RNASET2: variants seen among roughly 807,000 people sequenced by gnomAD.
RNASET2 encodes the protein ribonuclease T2.
In RNASET2, 28 loss-of-function variants were observed where a neutral mutation model predicts 33.9. The observed-to-expected ratio is 0.83, with a 90% CI of 0.61 to 1.13. The LOEUF (loss-of-function observed/expected upper bound fraction) is 1.13, where lower values mean the gene tolerates loss of function less well. RNASET2 is among the 50% of genes most tolerant of loss of function. The probability of loss-of-function intolerance (pLI) is 0.00; values close to 1 mark genes in which losing one functional copy is unlikely to be tolerated. For synonymous variants in RNASET2, 123 were observed against 121.0 expected (o/e 1.02, Z -0.11); for missense variants, 330 against 319.9 (o/e 1.03, Z -0.24).
Position 166,929,691 on chromosome 6 carries a change from T to G in RNASET2, c.668A>C (p.Lys223Thr), listed in dbSNP as rs149106779. The change falls in exon 9 of 9, where the codon AAG becomes ACG. Residue 223 changes from lysine to threonine, a missense_variant. By Grantham distance (78) the Lys-to-Thr change is moderately conservative (BLOSUM62 -1). Coordinates refer to ENST00000508775, the MANE Select transcript of RNASET2 (RefSeq NM_003730.6). ...CTEPGEQPSP[K>T]QEVWLANGAA... Reference sequence around the variant, plus strand: ...CCCATTTGCCAGCCAGACTTCCTGCTTGGGGGACGGCTGCTCCCCCGGCTC... The same window carrying G: ...CCCATTTGCCAGCCAGACTTCCTGCGTGGGGGACGGCTGCTCCCCCGGCTC... 5 of 1,614,070 alleles carry G rather than the reference T, an allele frequency of 3.1e-6. No individual in the cohort carries two copies. Among genetic ancestry groups the G allele is most frequent in the Admixed American group, 3.3e-5 (2 of 60,000 alleles).
At chr6:166,941,054 G>C (rs1223150371) in intron 5 of RNASET2, among the ~76,000 whole-genome samples, 1 of 152,232 alleles carries the variant, frequency 6.6e-6, no homozygotes, top group African/African-American at 2.4e-5. Flanking sequence ...ATAGGCACAG[G>C]ACTGGGTGAC....
At chr6:166,953,879 C>CAAAAAAAAAA (rs548523987) in intron 1 of RNASET2, among the ~76,000 whole-genome samples, 9 of 110,738 alleles carry the variant, frequency 8.1e-5, no homozygotes, top group East Asian at 5.6e-4. Context: ...GACCCTGTCT[C>CAAAAAAAAAA]AAAAAAAAAA....
At chr6:166,955,804 G>T (rs1359797688) in intron 1 of RNASET2, 1 of 975,944 alleles carries the variant, frequency 1.0e-6, no homozygotes, top group Non-Finnish European at 1.2e-6. Flanking sequence ...CTTCCCAGAG[G>T]TCACCCCGGG....
chr6:166,949,542 G>A (rs924042288), intron 2 of RNASET2, among the ~76,000 whole-genome samples: 1 of 151,504 alleles, frequency 6.6e-6, no homozygotes, highest in Non-Finnish European at 1.5e-5. Flanking sequence ...AATGATCAAG[G>A]GCATAATCTG....
Position 166,953,188 on chromosome 6 carries a change from C to A in RNASET2, c.87-640G>T, listed in dbSNP as rs116671585. ...ACGACATGGTATGCACACAGCACTG[C>A]ATCACACGTGTTACCCAGAACCTGG... On this transcript the variant is annotated intron_variant, in intron 1 of 8. Coordinates refer to ENST00000508775, the MANE Select transcript of RNASET2 (RefSeq NM_003730.6). The A allele has an allele frequency of 1.0e-2, 1,564 of 156,524 alleles. 28 individuals carry two copies. The highest frequency in any genetic ancestry group is 0.036 in the African/African-American group (1,500 of 41,586). 9.7% of individuals were successfully genotyped at this position (156,524 alleles called of 1,614,324 possible).
At chr6:166,941,842 T>C (rs1293536896) in intron 5 of RNASET2, among the ~76,000 whole-genome samples, 2 of 152,232 alleles carry the variant, frequency 1.3e-5, no homozygotes, top group African/African-American at 4.8e-5. Flanking sequence ...CTTCAGTTAA[T>C]ATAATGTTAA....
chr6:166,926,192 A>C lies in RNASET2; in HGVS notation c.*3396T>G, dbSNP rs988631633. Among the ~76,000 whole-genome samples, 9 of 151,996 alleles carry C rather than the reference A, an allele frequency of 5.9e-5. No individual in the cohort carries two copies. The highest frequency in any genetic ancestry group is 1.9e-4 in the African/African-American group (8 of 41,378). The stretch of plus-strand genomic sequence containing the variant: ...CACTTTGAGGTTTCTACCTGGAATA[A>C]GCGGATGGTGATGTCATTCACCGAG... On this transcript the variant is annotated 3_prime_UTR_variant, in exon 9 of 9. Coordinates refer to ENST00000508775, the MANE Select transcript of RNASET2 (RefSeq NM_003730.6).
At chr6:166,940,820 C>G (rs1430923382) in intron 5 of RNASET2, among the ~76,000 whole-genome samples, 2 of 152,062 alleles carry the variant, frequency 1.3e-5, no homozygotes, top group African/African-American at 4.8e-5. Flanking sequence ...TGAGAGACAC[C>G]CTGACTCACC....
At chr6:166,952,784 GGAGGAGGGGA>G in intron 1 of RNASET2, 1 of 497,252 alleles carries the variant, frequency 2.0e-6, no homozygotes, top group Non-Finnish European at 3.7e-6. Flanking sequence ...TAGGATAAGG[GGAGGAGGGGA>G]GAGGAGGGGA....
Position 166,946,653 on chromosome 6 carries a change from G to C in RNASET2, c.261+29C>G, listed in dbSNP as rs1310278861. 6 of 1,211,952 alleles carry C rather than the reference G, an allele frequency of 5.0e-6. No individual in the cohort carries two copies. In the South Asian group the frequency reaches 7.6e-5, roughly 15 times the overall value. 75.1% of individuals were successfully genotyped at this position (1,211,952 alleles called of 1,614,324 possible). Reference sequence around the variant, plus strand: ...AAGAGTTAATCTAGGTCAACACTCTGCAGTAGAAATATAATTAAAAGTCAA... The same window carrying C: ...AAGAGTTAATCTAGGTCAACACTCTCCAGTAGAAATATAATTAAAAGTCAA... On this transcript the variant is annotated intron_variant, in intron 4 of 8. Transcript: ENST00000508775.
chr6:166,947,113 C>A (rs534294918), intron 3 of RNASET2, among the ~76,000 whole-genome samples: 41 of 152,116 alleles, frequency 2.7e-4, no homozygotes, highest in Admixed American at 2.2e-3. Flanking sequence ...GTAAGCTGAC[C>A]CCCGGCCAAT....
In RNASET2 at chr6:166,924,787, TACTAAAAATACAAA is replaced by T. The variant is rs979155631; in HGVS notation, c.*4787_*4800del. On this transcript the variant is annotated 3_prime_UTR_variant, in exon 9 of 9. Transcript: ENST00000508775. ...GACCAACATGGAGAAAACCCATCTC[TACTAAAAATACAAA>T]ATTAGCCGGGCATGGTGGCATATGC... Among the ~76,000 whole-genome samples the T allele has an allele frequency of 6.6e-6, 1 of 152,080 alleles. No homozygotes were observed. The highest frequency in any genetic ancestry group is 2.4e-5 in the African/African-American group (1 of 41,400).
At chr6:166,949,933 G>A (rs148289668) in intron 2 of RNASET2, among the ~76,000 whole-genome samples, 1 of 152,310 alleles carries the variant, frequency 6.6e-6, no homozygotes, top group East Asian at 1.9e-4. Context: ...CTGCCTAGGA[G>A]GACACCTGGG....
At chr6:166,955,826 A>T (rs1583241928) in intron 1 of RNASET2, 2 of 892,532 alleles carry the variant, frequency 2.2e-6, no homozygotes, top group African/African-American at 4.0e-5. Context: ...CGTGCTCAGG[A>T]CTCCCCTCAT....
chr6:166,938,738 C>T (rs754126334), intron 6 of RNASET2, 157 bp downstream of exon 6: 11 of 773,112 alleles, frequency 1.4e-5, no homozygotes, highest in South Asian at 6.8e-5. Flanking sequence ...AGGCTCAGAA[C>T]ATTCCTCAGG....
intron 2 of RNASET2, 30 bp from the exon 3 acceptor site, chr6:166,948,655 T>C (rs756760161): frequency 7.5e-7 from 1 of 1,331,238 alleles, no homozygotes; most frequent in East Asian, 2.3e-5. Context: ...AGAAAATGAT[T>C]GGCTCTTTGT....
At chr6:166,938,409 C>G (rs1233866436) in intron 6 of RNASET2, among the ~76,000 whole-genome samples, 1 of 152,096 alleles carries the variant, frequency 6.6e-6, no homozygotes, top group Non-Finnish European at 1.5e-5. Flanking sequence ...GAGGTGAGGG[C>G]AGGCAGGGAC....
At chr6:166,939,979 G>C (rs1376129735) in intron 5 of RNASET2, among the ~76,000 whole-genome samples, 1 of 152,226 alleles carries the variant, frequency 6.6e-6, no homozygotes, top group Non-Finnish European at 1.5e-5. Context: ...CTAGTTTACA[G>C]ACAGGGAATG....
chr6:166,952,417 G>T, intron 2 of RNASET2, 71 bp downstream of exon 2: 1 of 1,364,760 alleles, frequency 7.3e-7, no homozygotes, highest in Non-Finnish European at 1.0e-6. Context: ...GCCCTGGACG[G>T]GCACGTGCAC....
Sources: gnomAD v4.1 joint callset for allele counts (sites outside exome capture counted in the v4.1 genomes callset) on GRCh38, gnomAD v4.1.1 for gene constraint, MANE v1.5 for transcripts, NCBI Gene and HGNC (gene_info 2026-07-23, HGNC 2026-07-21) for gene names.